Variants in MGAT4C observed in about 807,000 individuals in gnomAD.
MGAT4C encodes the protein alpha-1,3-mannosyl-glycoprotein 4-beta-N-acetylglucosaminyltransferase C.
Under a neutral mutation model 40.1 loss-of-function variants are expected in MGAT4C, and 19 were observed. The observed-to-expected ratio is 0.47, with a 90% confidence interval of 0.33 to 0.70. The LOEUF (loss-of-function observed/expected upper bound fraction) is 0.70. Among genes scored for constraint, MGAT4C ranks in the 30% least tolerant of loss-of-function variants. The pLI is 0.02. For synonymous variants in MGAT4C, 181 were observed against 187.1 expected (o/e 0.97, Z 0.27); for missense variants, 491 against 563.2 (o/e 0.87, Z 1.30).
intron 2 of MGAT4C, among the ~76,000 whole-genome samples, chr12:86,566,042 G>A (rs1318648567): frequency 6.6e-6 from 1 of 152,146 alleles, no homozygotes; most frequent in African/African-American, 2.4e-5. Flanking sequence ...CAGCTACTTG[G>A]CGACAAGTTG....
intron 2 of MGAT4C, among the ~76,000 whole-genome samples, chr12:86,437,780 G>A (rs1330265382): frequency 6.6e-6 from 1 of 151,490 alleles, no homozygotes; most frequent in Non-Finnish European, 1.5e-5. Flanking sequence ...TTATATCTAC[G>A]ATCATTGATA....
intron 1 of MGAT4C, among the ~76,000 whole-genome samples, chr12:86,749,461 A>T (rs1951202224): frequency 1.3e-5 from 2 of 151,708 alleles, no homozygotes; most frequent in African/African-American, 2.4e-5. Context: ...TCTTACTTTG[A>T]TATGATTTTT....
intron 3 of MGAT4C, among the ~76,000 whole-genome samples, chr12:85,987,145 T>G: frequency 1.3e-5 from 1 of 78,638 alleles, no homozygotes; most frequent in Non-Finnish European, 2.8e-5. Context: ...TTTTTTTTTT[T>G]TTTTTTTTTG....
At chr12:86,772,947 G>A (rs1040201100) in intron 1 of MGAT4C, among the ~76,000 whole-genome samples, 5 of 152,226 alleles carry the variant, frequency 3.3e-5, no homozygotes, top group African/African-American at 1.2e-4. Context: ...GTGACTTAGA[G>A]TTGATTCTGG....
At chr12:86,788,433 A>G (rs1310468666) in intron 1 of MGAT4C, among the ~76,000 whole-genome samples, 4 of 152,052 alleles carry the variant, frequency 2.6e-5, no homozygotes, top group Non-Finnish European at 5.9e-5. Flanking sequence ...AAGGAGCTGA[A>G]GCACCAATTA....
intron 1 of MGAT4C, among the ~76,000 whole-genome samples, chr12:86,805,621 T>C (rs991047763): frequency 6.6e-6 from 1 of 152,088 alleles, no homozygotes; most frequent in African/African-American, 2.4e-5. Context: ...CAACTATTGA[T>C]AGGCACCTAG....
At chr12:86,240,127 A>G (rs1047832859) in intron 1 of MGAT4C, among the ~76,000 whole-genome samples, 1 of 151,610 alleles carries the variant, frequency 6.6e-6, no homozygotes, top group Non-Finnish European at 1.5e-5. Flanking sequence ...TTGAAATTGA[A>G]TTAAATCAAA....
intron 1 of MGAT4C, among the ~76,000 whole-genome samples, chr12:86,243,374 G>A (rs1367441916): frequency 6.6e-6 from 1 of 152,208 alleles, no homozygotes; most frequent in Admixed American, 6.5e-5. Context: ...CCCTGTGGTA[G>A]ACACACCCTG....
chr12:85,969,845 T>C lies in MGAT4C; in HGVS notation c.*9444A>G, dbSNP rs1883535607. ...AAAACCCTATTTTTCATATGCTCTT[T>C]AGCTTTTTTAATACCTCTTACCTTA... On this transcript the variant is annotated 3_prime_UTR_variant, in exon 5 of 5. Transcript: ENST00000611864. 6.6e-6 allele frequency: 1 copy of C among 151,424 alleles called. No individual in the cohort carries two copies. Among genetic ancestry groups the C allele is most frequent in the Admixed American group, 6.6e-5 (1 of 15,160 alleles). 9.4% of individuals were successfully genotyped at this position (151,424 alleles called of 1,614,324 possible). A position where few individuals can be genotyped will look rare whatever the true frequency, so the allele number is the denominator to read the frequency against.
At chr12:86,415,520 T>C (rs1367933645) in intron 3 of MGAT4C, among the ~76,000 whole-genome samples, 1 of 152,032 alleles carries the variant, frequency 6.6e-6, no homozygotes, top group Non-Finnish European at 1.5e-5. Context: ...GCAGTCTGTA[T>C]TGTTAGGACT....
chr12:86,065,752 A>C (rs955333385), intron 1 of MGAT4C, among the ~76,000 whole-genome samples: 1 of 152,296 alleles, frequency 6.6e-6, no homozygotes, highest in South Asian at 2.1e-4. Flanking sequence ...TCAATTAGGA[A>C]AAGAGGAGGT....
chr12:86,070,255 T>A (rs748021474), intron 1 of MGAT4C, among the ~76,000 whole-genome samples: 11 of 152,110 alleles, frequency 7.2e-5, no homozygotes, highest in Non-Finnish European at 1.6e-4. Flanking sequence ...CTGAACTTGA[T>A]CAATATTTTT....
At chr12:86,195,071 T>C (rs1949750770) in intron 1 of MGAT4C, among the ~76,000 whole-genome samples, 1 of 152,206 alleles carries the variant, frequency 6.6e-6, no homozygotes. Context: ...GTGCCTCAAG[T>C]TCTGGCTGCA....
chr12:86,195,875 C>T (rs114131871), intron 1 of MGAT4C, among the ~76,000 whole-genome samples: 224 of 152,228 alleles, frequency 1.5e-3, no homozygotes, highest in African/African-American at 5.2e-3. Context: ...TGTATTTACT[C>T]TACCTAGATG....
intron 2 of MGAT4C, among the ~76,000 whole-genome samples, chr12:86,679,330 C>T (rs894201221): frequency 6.6e-6 from 1 of 152,014 alleles, no homozygotes; most frequent in Non-Finnish European, 1.5e-5. Context: ...TCTTAACACA[C>T]TAACCATCAA....
At chr12:86,054,133 C>A (rs1243892575) in intron 1 of MGAT4C, among the ~76,000 whole-genome samples, 2 of 151,854 alleles carry the variant, frequency 1.3e-5, no homozygotes, top group East Asian at 1.9e-4. Flanking sequence ...CAAAGAGATA[C>A]CTGCACTCCC....
intron 4 of MGAT4C, among the ~76,000 whole-genome samples, chr12:86,294,185 T>C (rs1046819959): frequency 4.6e-5 from 7 of 152,026 alleles, no homozygotes; most frequent in African/African-American, 1.7e-4. Flanking sequence ...TTAGAAGCTA[T>C]TTTACTTAGC....
intron 2 of MGAT4C, chr12:86,016,565 A>G (rs530847865): frequency 6.6e-6 from 1 of 152,334 alleles, no homozygotes; most frequent in Non-Finnish European, 1.5e-5. Flanking sequence ...TTCAGAATTG[A>G]GTGGTAGCAG....
At chr12:86,373,496 A>T (rs549709449) in intron 3 of MGAT4C, among the ~76,000 whole-genome samples, 2 of 152,018 alleles carry the variant, frequency 1.3e-5, no homozygotes, top group African/African-American at 2.4e-5. Context: ...TTTTCCCCAA[A>T]TACTTACAGC....
Sources: allele counts gnomAD v4.1 joint callset (sites outside exome capture counted in the v4.1 genomes callset), GRCh38; gene constraint gnomAD v4.1.1; transcripts MANE v1.5; gene names NCBI Gene and HGNC (gene_info 2026-07-23, HGNC 2026-07-21).